The following SV2C variants were observed in gnomAD, a reference collection of about 807,000 sequenced individuals.
SV2C encodes the protein synaptic vesicle glycoprotein 2C.
SV2C carries 49 observed loss-of-function variants against 79.7 expected under a neutral mutation model. The observed-to-expected ratio is 0.61, with a 90% confidence interval of 0.49 to 0.78. The LOEUF is 0.78. SV2C is among the 30% of genes least tolerant of loss of function. The pLI, the probability that SV2C is intolerant of heterozygous loss-of-function variation, is 0.00. For missense variants in SV2C, 833 were observed against 912.9 expected (o/e 0.91, Z 1.13); for synonymous variants, 334 against 333.2 (o/e 1.00, Z -0.03).
chr5:76,089,582 T>C (rs895009344), intron 1 of SV2C, among the ~76,000 whole-genome samples: 5 of 152,260 alleles, frequency 3.3e-5, no homozygotes, highest in African/African-American at 1.2e-4. Context: ...TTTCTGGTTC[T>C]AGATCTTTGA....
the SV2C span, among the ~76,000 whole-genome samples, chr5:75,994,685 G>A: frequency 6.6e-6 from 1 of 152,226 alleles, no homozygotes; most frequent in East Asian, 1.9e-4. Flanking sequence ...GATTTAAGGT[G>A]AGGTATTATT....
chr5:76,136,699 G>T (rs1749081001), intron 2 of SV2C, among the ~76,000 whole-genome samples: 1 of 152,092 alleles, frequency 6.6e-6, no homozygotes, highest in Non-Finnish European at 1.5e-5. Flanking sequence ...TTCACATTCT[G>T]CACATGTATC....
chr5:75,915,060 A>G, the SV2C span, among the ~76,000 whole-genome samples: 43 of 152,328 alleles, frequency 2.8e-4, no homozygotes, highest in Non-Finnish European at 1.6e-4. Context: ...CAAGAACAGC[A>G]TGGGAAAGAT....
the SV2C span, among the ~76,000 whole-genome samples, chr5:76,008,489 T>C: frequency 6.6e-6 from 1 of 152,154 alleles, no homozygotes; most frequent in Non-Finnish European, 1.5e-5. Context: ...GATTCAAAAC[T>C]CTAGTCTTAA....
At chr5:76,085,764 A>G (rs1561209001) in intron 1 of SV2C, among the ~76,000 whole-genome samples, 1 of 151,964 alleles carries the variant, frequency 6.6e-6, no homozygotes, top group African/African-American at 2.4e-5. Flanking sequence ...ATAATCTCAG[A>G]GAGCTTTGGC....
the SV2C span, among the ~76,000 whole-genome samples, chr5:76,027,505 T>C: frequency 6.6e-6 from 1 of 151,892 alleles, no homozygotes; most frequent in African/African-American, 2.4e-5. Context: ...TTTATTTACA[T>C]TCTAATTGAC....
the SV2C span, among the ~76,000 whole-genome samples, chr5:75,952,161 AAAC>A: frequency 1.4e-4 from 21 of 151,996 alleles, no homozygotes; most frequent in African/African-American, 5.1e-4. Flanking sequence ...CAGAAAAATG[AAAC>A]AACCCTGATC....
chr5:75,902,426 C>G, the SV2C span, among the ~76,000 whole-genome samples: 1 of 152,236 alleles, frequency 6.6e-6, no homozygotes, highest in Non-Finnish European at 1.5e-5. Flanking sequence ...ATTTCTCCAT[C>G]TATAGAACAA....
chr5:75,913,307 T>A, the SV2C span, among the ~76,000 whole-genome samples: 1 of 152,184 alleles, frequency 6.6e-6, no homozygotes, highest in Non-Finnish European at 1.5e-5. Flanking sequence ...GGACCACACT[T>A]GAAATCAGGA....
the SV2C span, among the ~76,000 whole-genome samples, chr5:76,022,764 CT>C: frequency 6.6e-6 from 1 of 152,180 alleles, no homozygotes; most frequent in Non-Finnish European, 1.5e-5. Flanking sequence ...TTTAGAAATA[CT>C]TTTTTTCCCT....
At chr5:75,853,443 C>G in the SV2C span, among the ~76,000 whole-genome samples, 1 of 150,952 alleles carries the variant, frequency 6.6e-6, no homozygotes, top group Non-Finnish European at 1.5e-5. Flanking sequence ...GTAGTCCCAG[C>G]TACTCCGGAA....
chr5:75,979,087 T>A, the SV2C span, among the ~76,000 whole-genome samples: 4 of 152,128 alleles, frequency 2.6e-5, no homozygotes, highest in Non-Finnish European at 1.5e-5. Context: ...GGGATTGCAA[T>A]CCTAGTTTCT....
intron 4 of SV2C, among the ~76,000 whole-genome samples, chr5:76,234,015 T>C (rs189404249): frequency 9.8e-4 from 150 of 152,306 alleles, no homozygotes; most frequent in Non-Finnish European, 1.4e-3. Flanking sequence ...ATTCACAACA[T>C]GGAGGGACAA....
chr5:76,115,273 C>T (rs150479589), intron 1 of SV2C, among the ~76,000 whole-genome samples: 172 of 152,218 alleles, frequency 1.1e-3, no homozygotes, highest in Admixed American at 4.1e-3. Context: ...GGCTCTATAG[C>T]CAAGTTTTAA....
In SV2C at chr5:76,328,079, C is replaced by T. The variant is rs980456356; in HGVS notation, c.*2532C>T. The T allele has an allele frequency of 6.6e-6, 1 of 152,226 alleles. No homozygotes were observed. Among genetic ancestry groups the T allele is most frequent in the Non-Finnish European group, 1.5e-5 (1 of 68,068 alleles). The allele number at this position is 152,226 out of a possible 1,614,324, so 9.4% of individuals were successfully genotyped here. Reference sequence around the variant, plus strand: ...CTGCCTCCTTGAGACTGTTCATCACCTTGATTTTCTAAGAGAGCTCAAATC... The same window carrying T: ...CTGCCTCCTTGAGACTGTTCATCACTTTGATTTTCTAAGAGAGCTCAAATC... On this transcript the variant is annotated 3_prime_UTR_variant, in exon 13 of 13. Coordinates refer to ENST00000502798, the MANE Select transcript of SV2C (RefSeq NM_014979.4).
chr5:76,258,634 T>C (rs1746370193), intron 4 of SV2C, among the ~76,000 whole-genome samples: 1 of 152,220 alleles, frequency 6.6e-6, no homozygotes, highest in Admixed American at 6.5e-5. Flanking sequence ...TTTGTGGAAA[T>C]GTAATCTTGC....
At chr5:76,277,554 G>A (rs937801386) in intron 4 of SV2C, among the ~76,000 whole-genome samples, 2 of 152,142 alleles carry the variant, frequency 1.3e-5, no homozygotes, top group Admixed American at 1.3e-4. Context: ...CAGAAGGATG[G>A]CTTGAGCCCA....
the SV2C span, among the ~76,000 whole-genome samples, chr5:76,023,684 G>GTGTGTATATA: frequency 2.0e-5 from 3 of 148,852 alleles, no homozygotes; most frequent in Non-Finnish European, 4.5e-5. Context: ...ATGTGTGTGT[G>GTGTGTATATA]TATATATATA....
chr5:75,965,545 G>T, the SV2C span, among the ~76,000 whole-genome samples: 509 of 152,250 alleles, frequency 3.3e-3, 2 homozygotes, highest in Non-Finnish European at 5.2e-3. Context: ...CACCAAATCT[G>T]CCAGTGTTTT....
Sources: gnomAD v4.1 joint callset for allele counts (sites outside exome capture counted in the v4.1 genomes callset) on GRCh38, gnomAD v4.1.1 for gene constraint, MANE v1.5 for transcripts, NCBI Gene and HGNC (gene_info 2026-07-23, HGNC 2026-07-21) for gene names.